LRBA: variants seen among roughly 807,000 people sequenced by gnomAD.
LRBA encodes the protein lipopolysaccharide-responsive and beige-like anchor protein.
In LRBA, 176 loss-of-function variants were observed where a neutral mutation model predicts 330.0. The observed-to-expected ratio is 0.53, with a 90% CI of 0.47 to 0.60. The LOEUF is 0.60. LRBA is among the 20% of genes least tolerant of loss of function. The probability of loss-of-function intolerance (pLI) is 0.00; values close to 1 mark genes in which losing one functional copy is unlikely to be tolerated. For missense variants in LRBA, 3,259 were observed against 3,444.8 expected (o/e 0.95, Z 1.35); for synonymous variants, 1,230 against 1,193.0 (o/e 1.03, Z -0.64).
intron 44 of LRBA, among the ~76,000 whole-genome samples, chr4:150,442,763 A>G (rs1326482350): frequency 6.6e-6 from 1 of 152,210 alleles, no homozygotes; most frequent in African/African-American, 2.4e-5. Context: ...GTCAGGTTAA[A>G]GGACAGAATA....
chr4:150,583,034 T>C lies in LRBA; in HGVS notation c.6330+5014A>G, dbSNP rs1561386170. On this transcript the variant is annotated intron_variant, in intron 40 of 56. Transcript: ENST00000651943. The surrounding 1 kb of genome is among the most constrained non-coding windows in gnomAD (Gnocchi z 9.8). The stretch of plus-strand genomic sequence containing the variant: ...AGCCCGGACCTGTGCCCCAACATGA[T>C]CGCCGCTCAGGCCAAGCTGGTTTAC... 8.2e-6 allele frequency: 13 copies of C among 1,589,928 alleles called. No homozygotes were observed. The highest frequency in any genetic ancestry group is 1.1e-5 in the Non-Finnish European group (13 of 1,166,356).
intron 38 of LRBA, among the ~76,000 whole-genome samples, chr4:150,591,083 A>C (rs928761857): frequency 3.3e-5 from 5 of 152,196 alleles, no homozygotes; most frequent in Non-Finnish European, 7.3e-5. Flanking sequence ...TAATCCCATT[A>C]AATTTGACCC....
chr4:151,008,194 C>A (rs560391860), intron 2 of LRBA, among the ~76,000 whole-genome samples: 1 of 151,910 alleles, frequency 6.6e-6, no homozygotes, highest in African/African-American at 2.4e-5. Context: ...AATTCTCCTG[C>A]CTCAGCCTCC....
chr4:150,631,695 G>A (rs907577983), intron 37 of LRBA, among the ~76,000 whole-genome samples: 6 of 152,166 alleles, frequency 3.9e-5, no homozygotes, highest in African/African-American at 1.4e-4. Flanking sequence ...ATGAAAGAGA[G>A]GAGACTGTTG....
chr4:150,414,372 C>T lies in LRBA; in HGVS notation c.7194+1066G>A, dbSNP rs1747422775. Among the ~76,000 whole-genome samples, 5 of 151,994 alleles carry T rather than the reference C, an allele frequency of 3.3e-5. No homozygotes were observed. In the South Asian group the frequency reaches 1.0e-3, roughly 32 times the overall value. ...TTGTTGGTATGAAAAGAAAGGAATG[C>T]CACATTAAAAAAATGCAATAATTTT... is the stretch of plus-strand genomic sequence containing the variant. On this transcript the variant is annotated intron_variant, in intron 47 of 56. Transcript: ENST00000651943.
At chr4:150,948,636 C>T (rs1262413495) in intron 2 of LRBA, among the ~76,000 whole-genome samples, 1 of 151,812 alleles carries the variant, frequency 6.6e-6, no homozygotes, top group African/African-American at 2.4e-5. Flanking sequence ...ATTCTGCTCA[C>T]CAAAAAACCT....
intron 44 of LRBA, among the ~76,000 whole-genome samples, chr4:150,448,567 C>T (rs192260349): frequency 6.6e-5 from 10 of 152,006 alleles, no homozygotes; most frequent in African/African-American, 2.4e-4. Context: ...TTCGGGAGGC[C>T]GAGGCAGGTG....
At chr4:150,437,485 G>A (rs751063159) in intron 44 of LRBA, among the ~76,000 whole-genome samples, 17 of 145,818 alleles carry the variant, frequency 1.2e-4, no homozygotes, top group South Asian at 8.6e-4. Flanking sequence ...AAAATATGCC[G>A]GCATGAACTC....
At chr4:150,289,593 A>T (rs1217069580) in intron 53 of LRBA, among the ~76,000 whole-genome samples, 1 of 152,250 alleles carries the variant, frequency 6.6e-6, no homozygotes, top group African/African-American at 2.4e-5. Context: ...TAGGAAATGT[A>T]CATTACTGGC....
chr4:150,437,841 T>A (rs1338287098), intron 44 of LRBA, among the ~76,000 whole-genome samples: 1 of 152,214 alleles, frequency 6.6e-6, no homozygotes, highest in African/African-American at 2.4e-5. Flanking sequence ...AATAATTGCC[T>A]TTAGCAAATT....
chr4:150,503,047 C>A (rs11727995), intron 40 of LRBA, among the ~76,000 whole-genome samples: 32,736 of 152,190 alleles, frequency 0.22, 4,375 homozygotes, highest in Non-Finnish European at 0.3. Context: ...GTAAACAAAG[C>A]AGCCAGGAAG....
At chr4:150,941,433 G>A (rs1275936151) in intron 2 of LRBA, among the ~76,000 whole-genome samples, 2 of 152,052 alleles carry the variant, frequency 1.3e-5, no homozygotes, top group African/African-American at 2.4e-5. Context: ...TTACAGGCGT[G>A]AGCCACCGCA....
intron 2 of LRBA, among the ~76,000 whole-genome samples, chr4:150,968,475 T>C (rs560107067): frequency 3.5e-4 from 54 of 152,342 alleles, no homozygotes; most frequent in African/African-American, 1.1e-3. Flanking sequence ...ATGGCTGATA[T>C]GGAGAAAGTT....
In LRBA at chr4:150,848,930, C is replaced by T. The variant is rs1443790965; in HGVS notation, c.4227G>A (p.Arg1409=). The change falls in exon 26 of 57, where the codon AGG becomes AGA. Residue 1409 remains arginine (R), a synonymous_variant. Coordinates refer to ENST00000651943, the MANE Select transcript of LRBA (RefSeq NM_001364905.1). ...TAAGCACATCCACAAGGCTAATTAG[C>T]CTCTGCAAAAATGTCACAGAGGCTT... ...SIEASVTFLQ[R]LISLVDVLIF... 1.9e-6 allele frequency: 3 copies of T among 1,612,210 alleles called. No individual in the cohort carries two copies. The highest frequency in any genetic ancestry group is 2.2e-5 in the South Asian group (2 of 90,788).
intron 36 of LRBA, among the ~76,000 whole-genome samples, chr4:150,706,449 C>A (rs1785627706): frequency 6.6e-6 from 1 of 151,218 alleles, no homozygotes; most frequent in South Asian, 2.1e-4. Flanking sequence ...AGATAAATTC[C>A]AAATAAATTA....
At chr4:150,333,741 G>T (rs1201137639) in intron 48 of LRBA, among the ~76,000 whole-genome samples, 1 of 152,056 alleles carries the variant, frequency 6.6e-6, no homozygotes, top group Non-Finnish European at 1.5e-5. Flanking sequence ...TCCTTTGGAG[G>T]TATGGTTCAA....
chr4:150,873,705 T>C (rs1041192687), intron 17 of LRBA, among the ~76,000 whole-genome samples: 12 of 152,084 alleles, frequency 7.9e-5, no homozygotes, highest in Non-Finnish European at 1.8e-4. Context: ...CTCATAAACA[T>C]TTAGAACAAG....
At chr4:150,694,462 CA>C (rs58558446) in intron 36 of LRBA, among the ~76,000 whole-genome samples, 4,689 of 71,042 alleles carry the variant, frequency 0.066, 715 homozygotes, top group African/African-American at 0.21. Context: ...TGATCTTTAA[CA>C]AAAAAAAAAA....
At chr4:150,757,027 T>G (rs1734403447) in intron 35 of LRBA, among the ~76,000 whole-genome samples, 1 of 135,944 alleles carries the variant, frequency 7.4e-6, no homozygotes, top group Admixed American at 7.3e-5. Flanking sequence ...TTGTGAAAAT[T>G]TAATTATTTA....
Sources: gnomAD v4.1 joint callset for allele counts (sites outside exome capture counted in the v4.1 genomes callset) on GRCh38, gnomAD v4.1.1 for gene constraint, Gnocchi (gnomAD v3.1) non-coding constraint, MANE v1.5 for transcripts, NCBI Gene and HGNC (gene_info 2026-07-23, HGNC 2026-07-21) for gene names.